TGFBR3: variants seen among roughly 807,000 people sequenced by gnomAD.
The protein encoded by TGFBR3 is transforming growth factor beta receptor type 3.
In TGFBR3, 46 loss-of-function variants were observed where a neutral mutation model predicts 87.9. That is an observed-to-expected ratio of 0.52 (90% CI 0.41 to 0.67). The LOEUF (loss-of-function observed/expected upper bound fraction) is 0.67. TGFBR3 is among the 30% of genes least tolerant of loss of function. The pLI, the probability that TGFBR3 is intolerant of heterozygous loss-of-function variation, is 0.00. For synonymous variants in TGFBR3, 381 were observed against 391.6 expected (o/e 0.97, Z 0.32); for missense variants, 866 against 1,041.9 (o/e 0.83, Z 2.32).
intron 3 of TGFBR3, among the ~76,000 whole-genome samples, chr1:91,792,256 G>C (rs284141): frequency 0.12 from 18,829 of 152,010 alleles, 1,587 homozygotes; most frequent in East Asian, 0.48. Flanking sequence ...TGGTATGCCT[G>C]TTGCTGGAGG....
At chr1:91,719,586 C>T (rs1045843894) in intron 9 of TGFBR3, 122 bp from the exon 10 acceptor site, 1 of 1,257,014 alleles carries the variant, frequency 8.0e-7, no homozygotes, top group Non-Finnish European at 1.2e-6. Context: ...CATCGTGCCC[C>T]TTCCCCAAGT....
At chr1:91,781,329 G>A (rs1674759479) in intron 3 of TGFBR3, among the ~76,000 whole-genome samples, 1 of 152,166 alleles carries the variant, frequency 6.6e-6, no homozygotes, top group Middle Eastern at 3.2e-3. Flanking sequence ...AAGGGCAAAG[G>A]GAAAGGAAAA....
intron 16 of TGFBR3, among the ~76,000 whole-genome samples, chr1:91,695,110 C>CTTTT (rs3038541): frequency 7.1e-6 from 1 of 140,046 alleles, no homozygotes. Context: ...TGTTTCATCA[C>CTTTT]TTTTTTTTTT....
intron 2 of TGFBR3, among the ~76,000 whole-genome samples, chr1:91,813,197 T>C (rs1385528060): frequency 6.6e-6 from 1 of 152,176 alleles, no homozygotes; most frequent in African/African-American, 2.4e-5. Flanking sequence ...TGTATCATAA[T>C]ATTAGTGACA....
chr1:91,835,433 G>A (rs755224550), intron 2 of TGFBR3, among the ~76,000 whole-genome samples: 6 of 152,210 alleles, frequency 3.9e-5, no homozygotes, highest in Non-Finnish European at 8.8e-5. Context: ...AGTCAGGGAT[G>A]TTTTAAATTC....
chr1:91,890,267 G>A (rs1679416579), upstream of TGFBR3, among the ~76,000 whole-genome samples: 1 of 152,086 alleles, frequency 6.6e-6, no homozygotes, highest in Non-Finnish European at 1.5e-5. Flanking sequence ...GGACTCACAT[G>A]TTGACAGTGA....
intron 2 of TGFBR3, among the ~76,000 whole-genome samples, chr1:91,828,777 G>A (rs1446297257): frequency 2.0e-5 from 3 of 152,040 alleles, no homozygotes; most frequent in Admixed American, 6.5e-5. Flanking sequence ...GTTTAAGCCT[G>A]TATTACTGTC....
intron 3 of TGFBR3, among the ~76,000 whole-genome samples, chr1:91,792,549 A>G (rs1332263863): frequency 2.0e-5 from 3 of 152,260 alleles, no homozygotes; most frequent in African/African-American, 7.2e-5. Context: ...TAGGTCAGAA[A>G]TAGAAAAGAC....
intron 6 of TGFBR3, among the ~76,000 whole-genome samples, chr1:91,729,033 TACACACACACACACAC>T (rs56158224): frequency 0.025 from 2,241 of 89,624 alleles, 32 homozygotes; most frequent in Middle Eastern, 0.035. Context: ...CACTCCAGCA[TACACACACACACACAC>T]ACACACACAC....
At chr1:91,723,634 A>G (rs1672451527) in intron 7 of TGFBR3, among the ~76,000 whole-genome samples, 1 of 152,192 alleles carries the variant, frequency 6.6e-6, no homozygotes, top group Non-Finnish European at 1.5e-5. Context: ...TTTATACATC[A>G]GTTGCTGACT....
chr1:91,839,374 A>G (rs976121240), intron 2 of TGFBR3, among the ~76,000 whole-genome samples: 1 of 152,194 alleles, frequency 6.6e-6, no homozygotes, highest in Non-Finnish European at 1.5e-5. Context: ...GTTGCAAGGT[A>G]GCATCTGAAT....
chr1:91,725,535 T>C (rs931211841), intron 7 of TGFBR3, among the ~76,000 whole-genome samples: 2 of 152,188 alleles, frequency 1.3e-5, no homozygotes, highest in Non-Finnish European at 2.9e-5. Context: ...AAGCAACACA[T>C]GTAGCTGAGA....
Position 91,709,824 on chromosome 1 carries a change from C to T in TGFBR3, c.2167-1041G>A, listed in dbSNP as rs532989084. Among the ~76,000 whole-genome samples the T allele has an allele frequency of 5.9e-5, 9 of 152,234 alleles. No homozygotes were observed. In the East Asian group the frequency reaches 1.7e-3, roughly 29 times the overall value. ...TTACCCAGGCTGGAGTACAGTGGTA[C>T]AATCATGGCTCACTGCAGCCTTGGC... On this transcript the variant is annotated intron_variant, in intron 13 of 16. Coordinates refer to ENST00000212355, the MANE Select transcript of TGFBR3 (RefSeq NM_003243.5).
At position 91,720,236 on chromosome 1, in the gene TGFBR3, G is replaced by A. The variant is rs764132210; in HGVS notation, c.1076-6C>T. ...CTCATCTCCCATCTCCTCTGCTGGT[G>A]AAAGAAGAAGGCAAAACATCAGCAG... is the stretch of plus-strand genomic sequence containing the variant. On this transcript the variant is annotated splice_region_variant and splice_polypyrimidine_tract_variant and intron_variant, in intron 8 of 16. Transcript: ENST00000212355. 1.9e-6 allele frequency: 3 copies of A among 1,576,054 alleles called. No homozygotes were observed. The highest frequency in any genetic ancestry group is 1.1e-5 in the South Asian group (1 of 87,328).
At chr1:91,755,617 C>T (rs1225919234) in intron 4 of TGFBR3, among the ~76,000 whole-genome samples, 4 of 152,184 alleles carry the variant, frequency 2.6e-5, no homozygotes, top group African/African-American at 9.7e-5. Context: ...ATGGGGCTGA[C>T]GTTCAATTGT....
intron 2 of TGFBR3, among the ~76,000 whole-genome samples, chr1:91,799,408 C>T (rs1436277827): frequency 1.3e-5 from 2 of 152,194 alleles, no homozygotes; most frequent in Non-Finnish European, 1.5e-5. Context: ...TGGCGGGGTG[C>T]GGGGAAACCA....
At chr1:91,779,406 C>T (rs1674686186) in intron 3 of TGFBR3, among the ~76,000 whole-genome samples, 2 of 152,338 alleles carry the variant, frequency 1.3e-5, no homozygotes, top group Non-Finnish European at 2.9e-5. Context: ...TTGCCCAAAG[C>T]CCCACAGCTC....
At chr1:91,757,719 C>T (rs1027923530) in intron 4 of TGFBR3, among the ~76,000 whole-genome samples, 3 of 152,072 alleles carry the variant, frequency 2.0e-5, no homozygotes, top group African/African-American at 7.2e-5. Context: ...CAACAAGAAC[C>T]TTTGAGTTTT....
intron 2 of TGFBR3, among the ~76,000 whole-genome samples, chr1:91,893,172 T>G (rs996046561): frequency 1.3e-5 from 2 of 152,274 alleles, no homozygotes; most frequent in Non-Finnish European, 2.9e-5. Flanking sequence ...ATGTATTTTC[T>G]AACATATTTT....
Sources: gnomAD v4.1 joint callset for allele counts (sites outside exome capture counted in the v4.1 genomes callset) on GRCh38, gnomAD v4.1.1 for gene constraint, MANE v1.5 for transcripts, NCBI Gene and HGNC (gene_info 2026-07-23, HGNC 2026-07-21) for gene names.